Variants in PKHD1L1 observed in about 807,000 individuals in gnomAD.
The protein encoded by PKHD1L1 is PKHD1 like 1.
Under a neutral mutation model 462.9 loss-of-function variants are expected in PKHD1L1, and 434 were observed. The ratio of observed to expected loss-of-function variants is 0.94; its 90% confidence interval spans 0.87 to 1.02. The LOEUF (loss-of-function observed/expected upper bound fraction) is 1.02, where lower values mean the gene tolerates loss of function less well. Ranked by LOEUF, PKHD1L1 falls within the 50% of genes least tolerant of loss-of-function variation. PKHD1L1 has a pLI of 0.00. For synonymous variants in PKHD1L1, 1,781 were observed against 1,750.0 expected (o/e 1.02, Z -0.44); for missense variants, 5,202 against 5,096.1 (o/e 1.02, Z -0.63).
At chr8:109,374,759 A>C (rs1023343192) in intron 2 of PKHD1L1, among the ~76,000 whole-genome samples, 1 of 152,084 alleles carries the variant, frequency 6.6e-6, no homozygotes, top group African/African-American at 2.4e-5. Context: ...TTCACTTATG[A>C]AGCTTAGTTT....
chr8:109,528,550 C>T (rs1820929693), intron 77 of PKHD1L1, among the ~76,000 whole-genome samples: 1 of 152,172 alleles, frequency 6.6e-6, no homozygotes, highest in African/African-American at 2.4e-5. Flanking sequence ...GGCTGCCAGC[C>T]TCTACTCACC....
chr8:109,424,476 A>G (rs1433472394), intron 23 of PKHD1L1, among the ~76,000 whole-genome samples: 1 of 152,148 alleles, frequency 6.6e-6, no homozygotes, highest in African/African-American at 2.4e-5. Flanking sequence ...TTTAAATTTT[A>G]CAGTAGTAAC....
chr8:109,448,777 G>A (rs867182457), intron 39 of PKHD1L1, among the ~76,000 whole-genome samples: 4 of 151,850 alleles, frequency 2.6e-5, no homozygotes, highest in African/African-American at 7.3e-5. Flanking sequence ...AAGCATGTAA[G>A]TGTATAATTA....
chr8:109,376,214 C>T (rs1811816817), intron 2 of PKHD1L1, among the ~76,000 whole-genome samples: 1 of 152,344 alleles, frequency 6.6e-6, no homozygotes, highest in East Asian at 1.9e-4. Context: ...GTGCCCCTCC[C>T]CCAGCCTCGC....
rs866186416 is a variant in PKHD1L1 at position 109,536,730 on chromosome 8, A to G, written c.*6640A>G. ...TCTAACCAGGCCCCTTCTGAAGAAAACTGGTTAACTCTAAATTGTTACTAA... is the reference window on the plus strand; with the variant it reads ...TCTAACCAGGCCCCTTCTGAAGAAAGCTGGTTAACTCTAAATTGTTACTAA... On this transcript the variant is annotated 3_prime_UTR_variant, in exon 78 of 78. Transcript: ENST00000378402. Among the ~76,000 whole-genome samples the G allele has an allele frequency of 2.0e-5, 3 of 152,126 alleles. No homozygotes were observed. Among genetic ancestry groups the G allele is most frequent in the Non-Finnish European group, 4.4e-5 (3 of 68,008 alleles).
Position 109,489,963 on chromosome 8 carries a change from A to G in PKHD1L1, c.9892A>G (p.Ile3298Val). 1 of 1,598,454 alleles carries G rather than the reference A, an allele frequency of 6.3e-7. No individual in the cohort carries two copies. Among genetic ancestry groups the G allele is most frequent in the Non-Finnish European group, 8.6e-7 (1 of 1,167,288 alleles). The stretch of plus-strand genomic sequence containing the variant: ...TTTCCCTACCTTAGGAAATGCAAGA[A>G]TAAGTAATGTGGAATTTTATCACAG... ...NMMTFKGNAR[I>V]SNVEFYHSGQ... The change falls in exon 60 of 78, where the codon ATA (isoleucine) becomes GTA (valine). Residue 3298 changes from isoleucine to valine, a missense_variant. By Grantham distance (29) the Ile-to-Val change is conservative (BLOSUM62 3). This residue lies in a region of PKHD1L1 where 4,497 missense variants were observed against 4,336.8 expected (regional missense o/e 1.04). Coordinates refer to ENST00000378402, the MANE Select transcript of PKHD1L1 (RefSeq NM_177531.6).
chr8:109,479,729 C>T (rs1586595729), intron 54 of PKHD1L1, 90 bp downstream of exon 54: 1 of 995,430 alleles, frequency 1.0e-6, no homozygotes, highest in Non-Finnish European at 1.5e-6. Context: ...ATCAGCACAC[C>T]TTTCCAAAAG....
At chr8:109,395,060 G>C (rs1178938982) in intron 10 of PKHD1L1, among the ~76,000 whole-genome samples, 2 of 152,188 alleles carry the variant, frequency 1.3e-5, no homozygotes, top group African/African-American at 4.8e-5. Context: ...GTGCTGCTCA[G>C]CATCGGGAGA....
intron 2 of PKHD1L1, 135 bp from the exon 3 acceptor site, chr8:109,381,235 T>C: frequency 3.9e-6 from 3 of 778,172 alleles, no homozygotes; most frequent in Non-Finnish European, 6.1e-6. Context: ...ATCATAAGGA[T>C]AAATATGAAA....
intron 21 of PKHD1L1, among the ~76,000 whole-genome samples, chr8:109,415,127 C>T (rs572033789): frequency 1.9e-4 from 29 of 151,930 alleles, no homozygotes; most frequent in Admixed American, 3.9e-4. Flanking sequence ...CCTCCCCCCA[C>T]AAGTAGCTGG....
intron 18 of PKHD1L1, 89 bp downstream of exon 18, chr8:109,408,295 G>A (rs1331062527): frequency 3.3e-6 from 4 of 1,218,890 alleles, no homozygotes; most frequent in Middle Eastern, 2.0e-4. Flanking sequence ...GGAAAGAGAT[G>A]TTACTTCAAA....
At chr8:109,496,163 G>C (rs1036647807) in intron 63 of PKHD1L1, among the ~76,000 whole-genome samples, 1 of 152,166 alleles carries the variant, frequency 6.6e-6, no homozygotes, top group Non-Finnish European at 1.5e-5. Context: ...TAGGCTCCAA[G>C]AAATGATGGT....
intron 50 of PKHD1L1, among the ~76,000 whole-genome samples, chr8:109,469,309 G>T (rs1817601620): frequency 6.6e-6 from 1 of 152,216 alleles, no homozygotes; most frequent in South Asian, 2.1e-4. Flanking sequence ...ATGAAGGGAA[G>T]GAACAGTTAC....
At chr8:109,380,847 C>T (rs1410239895) in intron 2 of PKHD1L1, among the ~76,000 whole-genome samples, 1 of 152,076 alleles carries the variant, frequency 6.6e-6, no homozygotes, top group Non-Finnish European at 1.5e-5. Flanking sequence ...AAACAAAGAC[C>T]TCATCCTTTA....
chr8:109,459,428 C>A (rs140939624), intron 46 of PKHD1L1, among the ~76,000 whole-genome samples, 167 bp from the exon 47 acceptor site: 297 of 132,542 alleles, frequency 2.2e-3, no homozygotes, highest in African/African-American at 7.1e-3. Flanking sequence ...CTTAGTTAAT[C>A]AAGCAAGAAT....
chr8:109,390,375 A>G, intron 8 of PKHD1L1, 77 bp from the exon 9 acceptor site: 1 of 758,590 alleles, frequency 1.3e-6, no homozygotes, highest in South Asian at 3.5e-5. Context: ...CTGCTTTTAA[A>G]TCAGCTTTAT....
At chr8:109,400,021 T>G in intron 12 of PKHD1L1, 55 bp from the exon 13 acceptor site, 1 of 1,510,952 alleles carries the variant, frequency 6.6e-7, no homozygotes, top group Non-Finnish European at 9.0e-7. Context: ...AGAAAGCCAT[T>G]GAGGCATTGC....
chr8:109,522,371 T>G (rs761454753), intron 74 of PKHD1L1, 34 bp downstream of exon 74: 53 of 1,496,654 alleles, frequency 3.5e-5, no homozygotes, highest in South Asian at 8.9e-5. Context: ...ATGCATTTTT[T>G]GGGACTTAAA....
At chr8:109,439,647 G>A (rs1336354369) in intron 32 of PKHD1L1, among the ~76,000 whole-genome samples, 1 of 152,126 alleles carries the variant, frequency 6.6e-6, no homozygotes, top group African/African-American at 2.4e-5. Context: ...GTGGCCATCT[G>A]AAGGAGATGA....
Sources: gnomAD v4.1 joint callset for allele counts (sites outside exome capture counted in the v4.1 genomes callset) on GRCh38, gnomAD v4.1.1 for gene constraint, gnomAD v4.1.1 regional missense constraint, MANE v1.5 for transcripts, NCBI Gene and HGNC (gene_info 2026-07-23, HGNC 2026-07-21) for gene names.